MAF: variants seen among roughly 807,000 people sequenced by gnomAD.
The protein encoded by MAF is MAF bZIP transcription factor.
Under a neutral mutation model 22.0 loss-of-function variants are expected in MAF, and 10 were observed. That is an observed-to-expected ratio of 0.45 (90% CI 0.28 to 0.77). The LOEUF is 0.77. MAF is among the 30% of genes least tolerant of loss of function. The pLI, the probability that MAF is intolerant of heterozygous loss-of-function variation, is 0.12. For synonymous variants in MAF, 337 were observed against 255.8 expected, an observed-to-expected ratio of 1.32 and a Z score of -3.03; for missense variants, 544 against 548.4, an observed-to-expected ratio of 0.99 and a Z score of 0.08.
chr16:79,309,375 C>A, the MAF span, among the ~76,000 whole-genome samples: 1 of 152,180 alleles, frequency 6.6e-6, no homozygotes, highest in Non-Finnish European at 1.5e-5. Flanking sequence ...TCTCTGGCCT[C>A]CCCACCTTCA....
chr16:79,430,429 C>G, the MAF span, among the ~76,000 whole-genome samples: 1 of 152,174 alleles, frequency 6.6e-6, no homozygotes, highest in Non-Finnish European at 1.5e-5. Flanking sequence ...AAATTTTCTC[C>G]AAAAGACACA....
chr16:79,410,669 A>C, the MAF span, among the ~76,000 whole-genome samples: 2 of 152,228 alleles, frequency 1.3e-5, no homozygotes, highest in African/African-American at 4.8e-5. Context: ...GCAAAGAAAA[A>C]AGAGTAGAGT....
At chr16:79,360,509 A>G in the MAF span, among the ~76,000 whole-genome samples, 1 of 152,174 alleles carries the variant, frequency 6.6e-6, no homozygotes, top group Admixed American at 6.6e-5. Context: ...AGGTGATGAC[A>G]CTACCTGTTA....
the MAF span, among the ~76,000 whole-genome samples, chr16:79,563,244 T>A: frequency 4.8e-4 from 73 of 152,342 alleles, no homozygotes; most frequent in Admixed American, 1.8e-3. Context: ...TAGAGCTTAG[T>A]GCATCGTCTC....
the MAF span, among the ~76,000 whole-genome samples, chr16:79,261,700 C>A: frequency 6.6e-6 from 1 of 152,162 alleles, no homozygotes; most frequent in South Asian, 2.1e-4. Context: ...TTCTGGCCAG[C>A]CTTTGCCGCT....
chr16:79,322,579 A>G, the MAF span, among the ~76,000 whole-genome samples: 1 of 152,172 alleles, frequency 6.6e-6, no homozygotes, highest in Non-Finnish European at 1.5e-5. Context: ...TAACATGGGA[A>G]GCGGAAACAG....
At chr16:79,486,746 G>A in the MAF span, among the ~76,000 whole-genome samples, 11 of 152,160 alleles carry the variant, frequency 7.2e-5, no homozygotes, top group Non-Finnish European at 1.5e-4. Context: ...GCTTTCCTCT[G>A]TAACATTACT....
the MAF span, among the ~76,000 whole-genome samples, chr16:79,304,560 G>C: frequency 6.6e-6 from 1 of 152,102 alleles, no homozygotes; most frequent in East Asian, 1.9e-4. Flanking sequence ...GATTCCATAA[G>C]TTGGAGACAA....
chr16:79,255,396 C>G, the MAF span, among the ~76,000 whole-genome samples: 3 of 152,324 alleles, frequency 2.0e-5, no homozygotes, highest in African/African-American at 7.2e-5. Context: ...ACAGCTACCT[C>G]CTGTGTCAAG....
the MAF span, among the ~76,000 whole-genome samples, chr16:79,450,887 G>C: frequency 6.6e-6 from 1 of 151,836 alleles, no homozygotes; most frequent in Non-Finnish European, 1.5e-5. Context: ...AAGAAATTAA[G>C]AGGAAACTTG....
the MAF span, among the ~76,000 whole-genome samples, chr16:79,479,157 C>A: frequency 6.6e-6 from 1 of 151,892 alleles, no homozygotes; most frequent in African/African-American, 2.4e-5. Flanking sequence ...CCCAGCATAC[C>A]CGTATCCCAT....
the MAF span, among the ~76,000 whole-genome samples, chr16:79,301,867 G>A: frequency 6.6e-6 from 1 of 152,206 alleles, no homozygotes; most frequent in African/African-American, 2.4e-5. Context: ...ACTATTATCT[G>A]TATGTTACTA....
At chr16:79,248,077 G>T in the MAF span, among the ~76,000 whole-genome samples, 1 of 151,742 alleles carries the variant, frequency 6.6e-6, no homozygotes, top group Non-Finnish European at 1.5e-5. Flanking sequence ...CTCAGAGAAG[G>T]TTCACCCTCA....
At chr16:79,575,767 C>T in the MAF span, among the ~76,000 whole-genome samples, 1 of 152,170 alleles carries the variant, frequency 6.6e-6, no homozygotes, top group Non-Finnish European at 1.5e-5. Context: ...TAATAGATAC[C>T]TTCATACCTA....
At chr16:79,231,207 C>T in the MAF span, among the ~76,000 whole-genome samples, 1 of 151,936 alleles carries the variant, frequency 6.6e-6, no homozygotes, top group East Asian at 1.9e-4. Flanking sequence ...CCAATGGGCT[C>T]TTATGGGACA....
chr16:79,498,020 T>A, the MAF span, among the ~76,000 whole-genome samples: 3 of 152,192 alleles, frequency 2.0e-5, no homozygotes, highest in African/African-American at 7.2e-5. Context: ...GGACAGGAGC[T>A]GAAGAAGGTA....
the MAF span, among the ~76,000 whole-genome samples, chr16:79,544,615 A>G: frequency 6.6e-6 from 1 of 152,028 alleles, no homozygotes; most frequent in African/African-American, 2.4e-5. Context: ...TCTACTAAAA[A>G]TACAAAAAAT....
At chr16:79,409,010 C>A in the MAF span, among the ~76,000 whole-genome samples, 1 of 148,434 alleles carries the variant, frequency 6.7e-6, no homozygotes, top group South Asian at 2.2e-4. Context: ...TTGCGTGTGT[C>A]CCCACCTACC....
chr16:79,372,295 G>T, the MAF span, among the ~76,000 whole-genome samples: 13 of 152,036 alleles, frequency 8.6e-5, no homozygotes, highest in African/African-American at 2.9e-4. Context: ...AGAGCTGTAG[G>T]AACAAACATG....
Sources: allele counts gnomAD v4.1 joint callset (sites outside exome capture counted in the v4.1 genomes callset), GRCh38; gene constraint gnomAD v4.1.1; transcripts MANE v1.5; gene names NCBI Gene and HGNC (gene_info 2026-07-23, HGNC 2026-07-21).